The following SMAD6 variants were observed in gnomAD, a reference collection of about 807,000 sequenced individuals.
SMAD6 encodes MAD homolog 6.
In SMAD6, 103 loss-of-function variants were observed where a neutral mutation model predicts 39.4. The observed-to-expected ratio is 2.62, with a 90% CI of 2.23 to 3.08. The LOEUF (loss-of-function observed/expected upper bound fraction) is 3.08, where lower values mean the gene tolerates loss of function less well. Ranked by LOEUF, SMAD6 falls within the 30% of genes most tolerant of loss-of-function variation. The pLI, the probability that SMAD6 is intolerant of heterozygous loss-of-function variation, is 0.00. For missense variants in SMAD6, 1,104 were observed against 742.9 expected, an observed-to-expected ratio of 1.49 and a Z score of -5.65; for synonymous variants, 445 against 353.3, an observed-to-expected ratio of 1.26 and a Z score of -2.91.
At position 66,781,248 on chromosome 15, in the gene SMAD6, G is replaced by C; in HGVS notation, c.1204G>C (p.Ala402Pro). The change falls in exon 4 of 4, where the codon GCC becomes CCC. Residue 402 changes from alanine (A) to proline (P), a missense_variant. Ala to Pro is a conservative substitution (Grantham distance 27). Transcript: ENST00000288840. Reference protein sequence around the residue: ...LLSKEPDGVWAYNRGEHPIFV... With the variant: ...LLSKEPDGVWPYNRGEHPIFV... ...CAGCAAGGAGCCCGACGGCGTGTGG[G>C]CCTACAACCGCGGCGAGCACCCCAT... 1 of 1,608,370 alleles carries C rather than the reference G, an allele frequency of 6.2e-7. No individual in the cohort carries two copies.
At chr15:66,717,206 C>T (rs1893346296) in intron 3 of SMAD6, 9 of 1,154,246 alleles carry the variant, frequency 7.8e-6, no homozygotes, top group Non-Finnish European at 1.0e-5. Context: ...GGGAGCATGG[C>T]TGGTGGCATG....
At chr15:66,763,489 G>A (rs1010636663) in intron 3 of SMAD6, among the ~76,000 whole-genome samples, 3 of 152,178 alleles carry the variant, frequency 2.0e-5, no homozygotes, top group African/African-American at 7.2e-5. Flanking sequence ...AGCAGCCCTC[G>A]GTATTTCCAG....
chr15:66,704,199 T>C, intron 1 of SMAD6, 124 bp downstream of exon 1: 1 of 744,830 alleles, frequency 1.3e-6, no homozygotes. Flanking sequence ...CCTTGGAGCG[T>C]GGGAGCCACC....
At position 66,703,333 on chromosome 15, in the gene SMAD6, C is replaced by CGGCAGCGGCGGCGGCGGT; in HGVS notation, c.79_96dup (p.Ser27_Gly32dup). ...GTGTGGTCCCCGACCGGGAGGAAGGCGGCAGCGGCGGCGGCGGTGGCGGCG... is the reference window on the plus strand; with the variant it reads ...GTGTGGTCCCCGACCGGGAGGAAGGCGGCAGCGGCGGCGGCGGTGGCAGCGGCGGCGGCGGTGGCGGCG... On this transcript the variant is annotated inframe_insertion, in exon 1 of 4. Transcript: ENST00000288840. 4 of 1,482,848 alleles carry CGGCAGCGGCGGCGGCGGT rather than the reference C, an allele frequency of 2.7e-6. No individual in the cohort carries two copies. The highest frequency in any genetic ancestry group is 3.6e-6 in the Non-Finnish European group (4 of 1,115,454). 91.9% of individuals were successfully genotyped at this position (1,482,848 alleles called of 1,614,324 possible). A position where few individuals can be genotyped will look rare whatever the true frequency, so the allele number is the denominator to read the frequency against.
chr15:66,703,952 T>A lies in SMAD6; in HGVS notation c.694T>A (p.Trp232Arg). ...GCTGCTGCTCGGCCGCCTCTTTCGC[T>A]GGCCCGACCTGCAGCACGCCGTGGA... ...PQLLLGRLFR[W>R]PDLQHAVELK... The change falls in exon 1 of 4, where the codon TGG (tryptophan) becomes AGG (arginine). Residue 232 changes from tryptophan to arginine, a missense_variant. Trp to Arg is a moderately radical substitution (Grantham distance 101). Coordinates refer to ENST00000288840, the MANE Select transcript of SMAD6 (RefSeq NM_005585.5). 7.1e-7 allele frequency: 1 copy of A among 1,408,928 alleles called. No individual in the cohort carries two copies. The highest frequency in any genetic ancestry group is 9.3e-7 in the Non-Finnish European group (1 of 1,079,948). The allele number at this position is 1,408,928 out of a possible 1,614,324, so 87.3% of individuals were successfully genotyped here.
In SMAD6 at chr15:66,714,708, G is replaced by C. The variant is rs186107178; in HGVS notation, c.875-1713G>C. Among the ~76,000 whole-genome samples the C allele has an allele frequency of 2.7e-3, 417 of 152,308 alleles. 1 individual carries two copies. Among genetic ancestry groups the C allele is most frequent in the Non-Finnish European group, 4.1e-3 (276 of 68,028 alleles). ...CCTTGAGGCTTGAGCAGTGATGGAG[G>C]CTGGGAACATTCTTTTGCACAGCAG... On this transcript the variant is annotated intron_variant, in intron 2 of 3. Coordinates refer to ENST00000288840, the MANE Select transcript of SMAD6 (RefSeq NM_005585.5).
intron 3 of SMAD6, among the ~76,000 whole-genome samples, chr15:66,748,512 G>T (rs1369282613): frequency 6.6e-6 from 1 of 152,198 alleles, no homozygotes; most frequent in Non-Finnish European, 1.5e-5. Flanking sequence ...AAATAAAAAT[G>T]AACAGTGCCC....
At position 66,703,663 on chromosome 15, in the gene SMAD6, C is replaced by A; in HGVS notation, c.405C>A (p.Ala135=). 3.3e-6 allele frequency: 4 copies of A among 1,230,660 alleles called. No individual in the cohort carries two copies. The highest frequency in any genetic ancestry group is 4.1e-6 in the Non-Finnish European group (4 of 985,854). 76.2% of individuals were successfully genotyped at this position (1,230,660 alleles called of 1,614,324 possible). ...GTCTCTTTTCGGAGCGGGACGCCGC[C>A]GGCGCGCCCCGGGACGCCAGCGACC... ...TCCLFSERDA[A]GAPRDASDPL... is the part of the protein sequence containing the mutation. Residue 135 remains alanine (A), a synonymous_variant, in exon 1 of 4, where the codon GCC becomes GCA. Transcript: ENST00000288840.
chr15:66,723,302 C>T (rs1893467001), intron 3 of SMAD6, among the ~76,000 whole-genome samples: 1 of 152,158 alleles, frequency 6.6e-6, no homozygotes, highest in African/African-American at 2.4e-5. Context: ...TTTTAGACTC[C>T]CCATGGCCTC....
chr15:66,715,138 T>A (rs766470224), intron 2 of SMAD6, among the ~76,000 whole-genome samples: 3 of 151,996 alleles, frequency 2.0e-5, no homozygotes, highest in South Asian at 2.1e-4. Flanking sequence ...TCCCGCGTTA[T>A]TTTTTGGTAT....
In SMAD6 at chr15:66,782,163, G is replaced by T; in HGVS notation, c.*628G>T. 5.4e-6 allele frequency: 2 copies of T among 368,702 alleles called. No homozygotes were observed. The highest frequency in any genetic ancestry group is 2.1e-5 in the African/African-American group (1 of 48,178). The allele number at this position is 368,702 out of a possible 1,614,324, so 22.8% of individuals were successfully genotyped here. ...CACATTTACTCTTAAGTAAACCAGA[G>T]AAAGTTCTGTTGTTCCTTCCTGCCC... On this transcript the variant is annotated 3_prime_UTR_variant, in exon 4 of 4. Transcript: ENST00000288840.
intron 3 of SMAD6, among the ~76,000 whole-genome samples, chr15:66,771,701 T>C (rs1427537965): frequency 6.6e-6 from 1 of 152,114 alleles, no homozygotes; most frequent in Non-Finnish European, 1.5e-5. Context: ...GTCCTGAGGA[T>C]GGGGATGATT....
At chr15:66,731,031 G>A (rs186392252) in intron 3 of SMAD6, among the ~76,000 whole-genome samples, 113 of 152,254 alleles carry the variant, frequency 7.4e-4, no homozygotes, top group African/African-American at 2.6e-3. Flanking sequence ...GGTTTATTAA[G>A]ATAAAATCAA....
chr15:66,754,796 A>G (rs1894068745), intron 3 of SMAD6, among the ~76,000 whole-genome samples: 1 of 152,214 alleles, frequency 6.6e-6, no homozygotes, highest in Non-Finnish European at 1.5e-5. Context: ...CTAAAAGTCC[A>G]TTTAAGGCAA....
At chr15:66,751,530 G>A (rs570401742) in intron 3 of SMAD6, among the ~76,000 whole-genome samples, 5 of 152,318 alleles carry the variant, frequency 3.3e-5, no homozygotes, top group East Asian at 3.9e-4. Context: ...GGAAACTGAG[G>A]CCCACAGGAA....
At chr15:66,765,149 C>G (rs919124384) in intron 3 of SMAD6, among the ~76,000 whole-genome samples, 5 of 152,232 alleles carry the variant, frequency 3.3e-5, no homozygotes, top group African/African-American at 4.8e-5. Context: ...CCCCAGTCAC[C>G]TGGCACTTTC....
chr15:66,708,564 C>T (rs779333249), intron 1 of SMAD6: 32 of 362,290 alleles, frequency 8.8e-5, no homozygotes, highest in South Asian at 1.8e-4. Context: ...ATGGTACGTC[C>T]GAAGAATGGA....
Position 66,703,782 on chromosome 15 carries a change from T to TG in SMAD6, c.524_525insG (p.Thr176HisfsTer127). On this transcript the variant is annotated frameshift_variant, in exon 1 of 4. Transcript: ENST00000288840. LOFTEE classifies it high-confidence loss of function. ...CTGCTGGAGCAGGAACTCAAAACCG[T>TG]CACGTACTCGCTGCTGAAGCGGCTC... 7.0e-7 allele frequency: 1 copy of TG among 1,438,844 alleles called. No individual in the cohort carries two copies. Among genetic ancestry groups the TG allele is most frequent in the Non-Finnish European group, 9.2e-7 (1 of 1,085,452 alleles). 89.1% of individuals were successfully genotyped at this position (1,438,844 alleles called of 1,614,324 possible).
At chr15:66,736,687 A>C (rs1238772448) in intron 3 of SMAD6, among the ~76,000 whole-genome samples, 1 of 146,166 alleles carries the variant, frequency 6.8e-6, no homozygotes, top group Non-Finnish European at 1.5e-5. Context: ...TTTTTTTTTG[A>C]GATGGAATCT....
Sources: allele counts gnomAD v4.1 joint callset (sites outside exome capture counted in the v4.1 genomes callset), GRCh38; gene constraint gnomAD v4.1.1; transcripts MANE v1.5; gene names NCBI Gene and HGNC (gene_info 2026-07-23, HGNC 2026-07-21).